Variants in COL4A1 observed in about 807,000 individuals in gnomAD.
COL4A1 encodes the protein collagen type IV alpha 1 chain, also known as collagen alpha-1(IV) chain.
In COL4A1, 40 loss-of-function variants were observed where a neutral mutation model predicts 216.6. The ratio of observed to expected loss-of-function variants is 0.18; its 90% CI spans 0.14 to 0.24. The LOEUF is 0.24. COL4A1 is among the 10% of genes least tolerant of loss of function. The pLI is 1.00. For missense variants in COL4A1, 1,628 were observed against 2,196.8 expected (o/e 0.74, Z 5.18); for synonymous variants, 839 against 810.7 (o/e 1.03, Z -0.59).
In COL4A1 at chr13:110,209,956, G is replaced by A. The variant is rs9521649; in HGVS notation, c.615+24C>T. The A allele has an allele frequency of 0.25, 404,815 of 1,611,612 alleles. 53,456 individuals are homozygous for A. Among genetic ancestry groups the A allele is most frequent in the Admixed American group, 0.32 (19,381 of 59,992 alleles). The stretch of plus-strand genomic sequence containing the variant: ...TAGTTGTTTTTTAAATGATTGCCTC[G>A]GAGAGACAGCCCCCAAAACTTACTG... On this transcript the variant is annotated intron_variant, in intron 10 of 51. Coordinates refer to ENST00000375820, the MANE Select transcript of COL4A1 (RefSeq NM_001845.6).
At chr13:110,206,968 A>AT in intron 13 of COL4A1, 77 bp from the exon 14 acceptor site, 21 of 1,418,986 alleles carry the variant, frequency 1.5e-5, no homozygotes, top group Non-Finnish European at 1.7e-5. Context: ...AACACACAGC[A>AT]GAAAAAAAAA....
At chr13:110,291,242 G>A (rs758200087) in intron 1 of COL4A1, among the ~76,000 whole-genome samples, 4 of 152,196 alleles carry the variant, frequency 2.6e-5, no homozygotes, top group East Asian at 1.9e-4. Flanking sequence ...TCATCTTCAC[G>A]TTTTGCACTA....
chr13:110,203,432 C>G, intron 18 of COL4A1, 134 bp downstream of exon 18: 2 of 933,190 alleles, frequency 2.1e-6, no homozygotes, highest in Non-Finnish European at 3.5e-6. Context: ...CCCTGCATCT[C>G]CTCTCCTTCC....
chr13:110,292,547 G>A (rs1308475962), intron 1 of COL4A1, among the ~76,000 whole-genome samples: 1 of 152,218 alleles, frequency 6.6e-6, no homozygotes, highest in African/African-American at 2.4e-5. Flanking sequence ...TTAACTGACA[G>A]TTCTACATAG....
chr13:110,165,336 C>T (rs533050418), intron 45 of COL4A1, among the ~76,000 whole-genome samples: 32 of 152,232 alleles, frequency 2.1e-4, no homozygotes, highest in African/African-American at 6.5e-4. Context: ...CCGCTTCTGA[C>T]GTGGAGAGTG....
At chr13:110,281,038 C>T (rs888032469) in intron 1 of COL4A1, among the ~76,000 whole-genome samples, 2 of 152,108 alleles carry the variant, frequency 1.3e-5, no homozygotes, top group Admixed American at 6.5e-5. Flanking sequence ...TTTAGCCACT[C>T]GAGCATAAAA....
intron 41 of COL4A1, among the ~76,000 whole-genome samples, chr13:110,172,035 T>C (rs938017481): frequency 2.0e-5 from 3 of 152,194 alleles, no homozygotes; most frequent in African/African-American, 2.4e-5. Flanking sequence ...GTGCCCCTGC[T>C]CCTTCTCAGC....
intron 1 of COL4A1, among the ~76,000 whole-genome samples, chr13:110,279,866 G>C (rs529113631): frequency 6.6e-6 from 1 of 152,146 alleles, no homozygotes; most frequent in Non-Finnish European, 1.5e-5. Context: ...GGCCTGCATC[G>C]AGAGGGCTGG....
chr13:110,275,309 C>T (rs1390250993), intron 1 of COL4A1, among the ~76,000 whole-genome samples: 4 of 152,242 alleles, frequency 2.6e-5, no homozygotes, highest in Admixed American at 1.3e-4. Flanking sequence ...TATGCAAATG[C>T]GTTCCACATA....
intron 1 of COL4A1, among the ~76,000 whole-genome samples, chr13:110,243,749 G>A (rs923409129): frequency 2.3e-4 from 35 of 152,188 alleles, no homozygotes; most frequent in African/African-American, 6.8e-4. Flanking sequence ...CACAGTCAGC[G>A]ATCATCTTAT....
chr13:110,300,661 T>C (rs2139322853), intron 1 of COL4A1, among the ~76,000 whole-genome samples: 1 of 152,366 alleles, frequency 6.6e-6, no homozygotes, highest in East Asian at 1.9e-4. Flanking sequence ...TCAAACTGGA[T>C]GCTTCCAGCT....
chr13:110,179,722 ACT>A (rs2139165971), intron 29 of COL4A1, among the ~76,000 whole-genome samples: 1 of 152,176 alleles, frequency 6.6e-6, no homozygotes, highest in South Asian at 2.1e-4. Context: ...TGTCCCCTCA[ACT>A]CTGCAGCCTG....
intron 45 of COL4A1, 43 bp from the exon 46 acceptor site, chr13:110,165,033 TACTGGGGCGGAAACA>T (rs769883235): frequency 6.3e-7 from 1 of 1,585,556 alleles, no homozygotes; most frequent in African/African-American, 1.4e-5. Flanking sequence ...ACTGTCCACA[TACTGGGGCGGAAACA>T]ACTTTAGAAG....
In COL4A1 at chr13:110,233,218, G is replaced by A. The variant is rs139912061; in HGVS notation, c.144+9457C>T. Among the ~76,000 whole-genome samples the A allele has an allele frequency of 2.7e-3, 418 of 152,248 alleles. 4 individuals carry two copies. Among genetic ancestry groups the A allele is most frequent in the African/African-American group, 6.9e-3 (287 of 41,530 alleles). Reference sequence around the variant, plus strand: ...GACAAAAGTAGGTGAATGTGGGAACGCACACTGATCACATGGATTCTCACG... The same window carrying A: ...GACAAAAGTAGGTGAATGTGGGAACACACACTGATCACATGGATTCTCACG... On this transcript the variant is annotated intron_variant, in intron 2 of 51. Coordinates refer to ENST00000375820, the MANE Select transcript of COL4A1 (RefSeq NM_001845.6).
chr13:110,296,464 A>G (rs78555758), intron 1 of COL4A1, among the ~76,000 whole-genome samples: 3,019 of 152,362 alleles, frequency 0.02, 102 homozygotes, highest in African/African-American at 0.07. Context: ...TATCGATAGT[A>G]TAATCACGAA....
At chr13:110,254,416 G>A (rs1038805953) in intron 1 of COL4A1, among the ~76,000 whole-genome samples, 4 of 152,168 alleles carry the variant, frequency 2.6e-5, no homozygotes, top group African/African-American at 9.7e-5. Flanking sequence ...GCACAGAAGC[G>A]GGAGGGTGGC....
intron 17 of COL4A1, among the ~76,000 whole-genome samples, chr13:110,204,145 T>C (rs962517012): frequency 1.3e-5 from 2 of 152,226 alleles, no homozygotes; most frequent in African/African-American, 2.4e-5. Context: ...ATCTCATCCA[T>C]AGTAGATGAA....
At chr13:110,273,969 C>T (rs1276144115) in intron 1 of COL4A1, among the ~76,000 whole-genome samples, 1 of 152,162 alleles carries the variant, frequency 6.6e-6, no homozygotes, top group African/African-American at 2.4e-5. Context: ...CTTCAGAAGA[C>T]AGACCAAAAA....
At chr13:110,281,905 G>A (rs912741766) in intron 1 of COL4A1, among the ~76,000 whole-genome samples, 1 of 152,172 alleles carries the variant, frequency 6.6e-6, no homozygotes, top group Admixed American at 6.5e-5. Flanking sequence ...AGTTTCTTTC[G>A]CATTCCCCTG....
Sources: gnomAD v4.1 joint callset for allele counts (sites outside exome capture counted in the v4.1 genomes callset) on GRCh38, gnomAD v4.1.1 for gene constraint, MANE v1.5 for transcripts, NCBI Gene and HGNC (gene_info 2026-07-23, HGNC 2026-07-21) for gene names.